The following LRP1B variants were observed in gnomAD, a reference collection of about 807,000 sequenced individuals.
LRP1B encodes LDL receptor related protein 1B, also known as low-density lipoprotein receptor-related protein 1B.
In LRP1B, 217 loss-of-function variants were observed where a neutral mutation model predicts 556.6. The observed-to-expected ratio is 0.39, with a 90% CI of 0.35 to 0.44. The LOEUF (loss-of-function observed/expected upper bound fraction) is 0.44, where lower values mean the gene tolerates loss of function less well. Ranked by LOEUF, LRP1B falls within the 20% of genes least tolerant of loss-of-function variation. The pLI is 1.00. For synonymous variants in LRP1B, 2,047 were observed against 1,865.8 expected (o/e 1.10, Z -2.50); for missense variants, 5,053 against 5,620.8 (o/e 0.90, Z 3.23).
chr2:140,999,507 G>T (rs1444149920), intron 15 of LRP1B, among the ~76,000 whole-genome samples: 1 of 151,970 alleles, frequency 6.6e-6, no homozygotes, highest in Non-Finnish European at 1.5e-5. Context: ...CATCAGCTTG[G>T]TAAACAACAT....
Position 141,132,273 on chromosome 2 carries a change from T to G in LRP1B, c.1013+56148A>C, listed in dbSNP as rs79262649. 3.2e-3 allele frequency among the ~76,000 whole-genome samples: 493 copies of G among 152,126 alleles called. 3 individuals are homozygous for G. The highest frequency in any genetic ancestry group is 0.011 in the African/African-American group (458 of 41,540). ...GGGGGCGGAACCCTCATGAATGGCT[T>G]GGTCTTGTTCTTGCCATAGTTGTGT... On this transcript the variant is annotated intron_variant, in intron 7 of 90. Transcript: ENST00000389484.
At chr2:140,277,050 TTAAAA>T (rs1164111953) in intron 84 of LRP1B, among the ~76,000 whole-genome samples, 1 of 151,716 alleles carries the variant, frequency 6.6e-6, no homozygotes, top group African/African-American at 2.4e-5. Context: ...AAAACCAAAA[TTAAAA>T]TGTAATTTTT....
chr2:141,733,014 T>G (rs1388317898), intron 2 of LRP1B, among the ~76,000 whole-genome samples: 1 of 152,106 alleles, frequency 6.6e-6, no homozygotes, highest in Non-Finnish European at 1.5e-5. Context: ...CTAGTTCCAA[T>G]GGCAAAGCTG....
chr2:141,515,684 G>T (rs1289818369), intron 2 of LRP1B, among the ~76,000 whole-genome samples: 3 of 152,118 alleles, frequency 2.0e-5, no homozygotes, highest in Non-Finnish European at 4.4e-5. Context: ...TACTCATAAA[G>T]ATATGTATGT....
intron 75 of LRP1B, among the ~76,000 whole-genome samples, chr2:140,355,099 C>T (rs1682149918): frequency 6.6e-6 from 1 of 151,806 alleles, no homozygotes; most frequent in East Asian, 1.9e-4. Flanking sequence ...AAAGTGGATT[C>T]ATAGCAATTT....
chr2:140,567,042 C>G (rs1459256392), intron 43 of LRP1B, among the ~76,000 whole-genome samples: 1 of 152,146 alleles, frequency 6.6e-6, no homozygotes, highest in Non-Finnish European at 1.5e-5. Flanking sequence ...CATCCCAAGT[C>G]TGAGCTGCTA....
intron 20 of LRP1B, among the ~76,000 whole-genome samples, chr2:140,924,908 G>GCAC: frequency 1.3e-5 from 2 of 151,956 alleles, no homozygotes; most frequent in Non-Finnish European, 2.9e-5. Flanking sequence ...TTTATTTAGT[G>GCAC]TCTGCAGAGT....
intron 2 of LRP1B, among the ~76,000 whole-genome samples, chr2:141,740,519 C>A (rs1693656573): frequency 6.6e-6 from 1 of 152,100 alleles, no homozygotes; most frequent in Admixed American, 6.6e-5. Flanking sequence ...TATAGGCATG[C>A]AATGTGTAAT....
At chr2:140,430,226 T>C (rs1685861505) in intron 66 of LRP1B, among the ~76,000 whole-genome samples, 2 of 152,150 alleles carry the variant, frequency 1.3e-5, no homozygotes, top group South Asian at 2.1e-4. Flanking sequence ...CCCCATCCAC[T>C]ACCTCTCAGC....
intron 1 of LRP1B, among the ~76,000 whole-genome samples, chr2:141,860,597 A>C (rs1405869395): frequency 6.6e-6 from 1 of 152,186 alleles, no homozygotes; most frequent in African/African-American, 2.4e-5. Context: ...CAATCTATAT[A>C]ATAAAAGCAG....
At chr2:140,271,316 T>A (rs969073385) in intron 85 of LRP1B, among the ~76,000 whole-genome samples, 1 of 151,958 alleles carries the variant, frequency 6.6e-6, no homozygotes. Context: ...TTAGCTGCTA[T>A]GAAACAATCA....
intron 2 of LRP1B, among the ~76,000 whole-genome samples, chr2:141,673,827 GA>G (rs1690771067): frequency 6.6e-6 from 1 of 151,918 alleles, no homozygotes; most frequent in Non-Finnish European, 1.5e-5. Flanking sequence ...CCACTGCAAT[GA>G]TTTTTTTTAA....
At chr2:141,979,077 G>A (rs898646084) in intron 1 of LRP1B, among the ~76,000 whole-genome samples, 2 of 151,798 alleles carry the variant, frequency 1.3e-5, no homozygotes, top group African/African-American at 2.4e-5. Context: ...AAGTTATAAA[G>A]ACAATTATTT....
intron 66 of LRP1B, among the ~76,000 whole-genome samples, chr2:140,403,104 T>C (rs1684578093): frequency 6.6e-6 from 1 of 151,910 alleles, no homozygotes; most frequent in Non-Finnish European, 1.5e-5. Context: ...AGTCATATAC[T>C]TACGGGGAGA....
At chr2:140,877,882 T>A (rs1004084150) in intron 25 of LRP1B, among the ~76,000 whole-genome samples, 11 of 152,180 alleles carry the variant, frequency 7.2e-5, no homozygotes, top group Non-Finnish European at 1.3e-4. Flanking sequence ...TGGGCACATA[T>A]CCTCAACCTT....
At chr2:141,079,172 A>G (rs1463172611) in intron 7 of LRP1B, among the ~76,000 whole-genome samples, 1 of 152,210 alleles carries the variant, frequency 6.6e-6, no homozygotes, top group East Asian at 1.9e-4. Flanking sequence ...AAACAAAACA[A>G]ACAAACAAAC....
chr2:141,995,377 T>A (rs1007638254), intron 1 of LRP1B, among the ~76,000 whole-genome samples: 4 of 152,168 alleles, frequency 2.6e-5, no homozygotes, highest in African/African-American at 9.7e-5. Flanking sequence ...TCACTGAATA[T>A]CACTCTTACC....
chr2:140,769,190 A>G (rs2104934190), intron 35 of LRP1B, 23 bp downstream of exon 35: 1 of 1,605,656 alleles, frequency 6.2e-7, no homozygotes, highest in Non-Finnish European at 8.5e-7. Flanking sequence ...TTATGCATAA[A>G]TTATGACTAA....
chr2:142,032,426 C>T (rs1703742101), intron 1 of LRP1B, among the ~76,000 whole-genome samples: 1 of 151,784 alleles, frequency 6.6e-6, no homozygotes, highest in Non-Finnish European at 1.5e-5. Flanking sequence ...TAACCATGCT[C>T]AAGTTTTTCC....
Sources: gnomAD v4.1 joint callset for allele counts (sites outside exome capture counted in the v4.1 genomes callset) on GRCh38, gnomAD v4.1.1 for gene constraint, MANE v1.5 for transcripts, NCBI Gene and HGNC (gene_info 2026-07-23, HGNC 2026-07-21) for gene names.